Variants in LRP1B observed in about 807,000 individuals in gnomAD.
LRP1B encodes the protein low-density lipoprotein receptor-related protein 1B.
LRP1B carries 217 observed loss-of-function variants against 556.6 expected under a neutral mutation model. The observed-to-expected ratio is 0.39, with a 90% CI of 0.35 to 0.44. LRP1B has a LOEUF of 0.44. LRP1B is among the 20% of genes least tolerant of loss of function. The probability of loss-of-function intolerance (pLI) is 1.00; values close to 1 mark genes in which losing one functional copy is unlikely to be tolerated. For missense variants in LRP1B, 5,053 were observed against 5,620.8 expected, an observed-to-expected ratio of 0.90 and a Z score of 3.23; for synonymous variants, 2,047 against 1,865.8, an observed-to-expected ratio of 1.10 and a Z score of -2.50.
At chr2:141,251,329 C>T (rs72855065) in intron 4 of LRP1B, among the ~76,000 whole-genome samples, 51 of 151,888 alleles carry the variant, frequency 3.4e-4, no homozygotes, top group Non-Finnish European at 6.8e-4. Context: ...GATGAGAAAC[C>T]AGATAGCAGT....
chr2:141,181,659 C>G (rs1681001097), intron 7 of LRP1B, among the ~76,000 whole-genome samples: 1 of 151,922 alleles, frequency 6.6e-6, no homozygotes. Flanking sequence ...AGAGTCAAAT[C>G]AATTTGCCTT....
At chr2:140,811,311 A>G (rs1045122006) in intron 32 of LRP1B, among the ~76,000 whole-genome samples, 1 of 152,272 alleles carries the variant, frequency 6.6e-6, no homozygotes, top group South Asian at 2.1e-4. Context: ...TAAGATAGAT[A>G]CCTGCTCCAT....
chr2:140,703,750 T>C (rs1423383380), intron 37 of LRP1B, among the ~76,000 whole-genome samples: 3 of 152,284 alleles, frequency 2.0e-5, no homozygotes, highest in Admixed American at 6.5e-5. Context: ...CTCCCACTTA[T>C]AAGTGAGAAC....
At chr2:140,326,552 T>TA (rs1283100892) in intron 79 of LRP1B, among the ~76,000 whole-genome samples, 1 of 151,924 alleles carries the variant, frequency 6.6e-6, no homozygotes, top group African/African-American at 2.4e-5. Flanking sequence ...CTGTCTCTAC[T>TA]AAAAATACAA....
At chr2:140,320,590 T>G (rs563575007) in intron 82 of LRP1B, among the ~76,000 whole-genome samples, 3,081 of 124,464 alleles carry the variant, frequency 0.025, 35 homozygotes, top group African/African-American at 0.039. Context: ...AGCGCTACAT[T>G]TTTTTTTTTT....
Position 140,769,310 on chromosome 2 carries a change from T to G in LRP1B, c.5661A>C (p.Glu1887Asp). Reference protein sequence around the residue: ...IESFLMYSVHEGIRGIPLEPS... With the variant: ...IESFLMYSVHDGIRGIPLEPS... ...GTTCAAGAGGTATTCCCCTGATTCC[T>G]TCATGAACAGAGTACATAAGAAATG... Residue 1887 changes from glutamate to aspartate, a missense_variant, in exon 35 of 91, where the codon GAA (glutamate) becomes GAC (aspartate). By Grantham distance (45) the Glu-to-Asp change is conservative (BLOSUM62 2). Coordinates refer to ENST00000389484, the MANE Select transcript of LRP1B (RefSeq NM_018557.3). 6.2e-7 allele frequency: 1 copy of G among 1,611,902 alleles called. No homozygotes were observed. Among genetic ancestry groups the G allele is most frequent in the Non-Finnish European group, 8.5e-7 (1 of 1,178,492 alleles).
intron 35 of LRP1B, among the ~76,000 whole-genome samples, chr2:140,764,947 A>T (rs1414152096): frequency 6.6e-6 from 1 of 152,136 alleles, no homozygotes; most frequent in Non-Finnish European, 1.5e-5. Context: ...TATTTCCTCT[A>T]GTAAGTTCCA....
intron 6 of LRP1B, among the ~76,000 whole-genome samples, chr2:141,197,651 T>A (rs1251744134): frequency 1.3e-5 from 2 of 152,058 alleles, no homozygotes; most frequent in Non-Finnish European, 2.9e-5. Context: ...GGTTGCTGTA[T>A]AGATAAAGGG....
intron 18 of LRP1B, among the ~76,000 whole-genome samples, chr2:140,957,914 G>A (rs1424234639): frequency 2.6e-5 from 4 of 151,468 alleles, no homozygotes; most frequent in Non-Finnish European, 5.9e-5. Context: ...TAGACTGTGA[G>A]AGGGGAAAAA....
intron 3 of LRP1B, among the ~76,000 whole-genome samples, chr2:141,393,472 A>G (rs553276653): frequency 2.6e-5 from 4 of 152,186 alleles, no homozygotes; most frequent in African/African-American, 9.6e-5. Context: ...TTTCCCATAC[A>G]CTGTGCTTTC....
At chr2:140,409,156 A>T (rs965060303) in intron 66 of LRP1B, among the ~76,000 whole-genome samples, 2 of 152,004 alleles carry the variant, frequency 1.3e-5, no homozygotes, top group African/African-American at 4.8e-5. Flanking sequence ...AACTGCCATG[A>T]TGAATTCATT....
intron 2 of LRP1B, among the ~76,000 whole-genome samples, chr2:141,781,026 G>A (rs1201058615): frequency 6.6e-6 from 1 of 152,102 alleles, no homozygotes; most frequent in East Asian, 1.9e-4. Context: ...AGGATGTGGA[G>A]AACATAAGAG....
intron 60 of LRP1B, among the ~76,000 whole-genome samples, chr2:140,463,891 G>C (rs16844034): frequency 0.064 from 9,809 of 152,104 alleles, 401 homozygotes; most frequent in African/African-American, 0.08. Context: ...TACGTAATGT[G>C]GAAGCATAGA....
At chr2:140,645,067 C>G (rs1366782397) in intron 41 of LRP1B, among the ~76,000 whole-genome samples, 1 of 151,922 alleles carries the variant, frequency 6.6e-6, no homozygotes, top group Non-Finnish European at 1.5e-5. Flanking sequence ...TTATTTCTAC[C>G]CAGGTCAGTT....
At chr2:142,113,453 G>C (rs1220001007) in intron 1 of LRP1B, among the ~76,000 whole-genome samples, 1 of 149,076 alleles carries the variant, frequency 6.7e-6, no homozygotes, top group Non-Finnish European at 1.5e-5. Flanking sequence ...AGAGTTTTTA[G>C]AGAATGAGGT....
At chr2:141,498,980 T>C (rs1483488294) in intron 2 of LRP1B, among the ~76,000 whole-genome samples, 1 of 152,098 alleles carries the variant, frequency 6.6e-6, no homozygotes, top group Non-Finnish European at 1.5e-5. Context: ...AGTACATAAA[T>C]AGATTTCATT....
At chr2:141,143,699 G>A (rs1228096119) in intron 7 of LRP1B, among the ~76,000 whole-genome samples, 3 of 152,050 alleles carry the variant, frequency 2.0e-5, no homozygotes, top group Non-Finnish European at 4.4e-5. Context: ...TTGATACACA[G>A]GGTCAAATAA....
chr2:141,801,505 C>T (rs531390934), intron 2 of LRP1B, among the ~76,000 whole-genome samples: 2 of 152,270 alleles, frequency 1.3e-5, no homozygotes, highest in African/African-American at 4.8e-5. Flanking sequence ...GTTATTTGCA[C>T]TTCCATCTGC....
intron 47 of LRP1B, among the ~76,000 whole-genome samples, chr2:140,530,646 T>C (rs961365469): frequency 2.6e-5 from 4 of 152,184 alleles, no homozygotes; most frequent in Non-Finnish European, 5.9e-5. Context: ...AGCTGGTCCA[T>C]TGAATTAAAT....
Sources: allele counts gnomAD v4.1 joint callset (sites outside exome capture counted in the v4.1 genomes callset), GRCh38; gene constraint gnomAD v4.1.1; transcripts MANE v1.5; gene names NCBI Gene and HGNC (gene_info 2026-07-23, HGNC 2026-07-21).